ZSWIM6: variants seen among roughly 807,000 people sequenced by gnomAD.
ZSWIM6 encodes zinc finger SWIM-type containing 6.
In ZSWIM6, 9 loss-of-function variants were observed where a neutral mutation model predicts 113.2. The observed-to-expected ratio is 0.08, with a 90% CI of 0.05 to 0.14. The LOEUF is 0.14. Among genes scored for constraint, ZSWIM6 ranks in the 10% least tolerant of loss-of-function variants. ZSWIM6 has a pLI of 1.00. For missense variants in ZSWIM6, 1,162 were observed against 1,552.2 expected (o/e 0.75, Z 4.22); for synonymous variants, 611 against 606.5 (o/e 1.01, Z -0.11).
intron 11 of ZSWIM6, 31 bp downstream of exon 11, chr5:61,539,002 T>C: frequency 6.8e-7 from 1 of 1,463,550 alleles, no homozygotes; most frequent in Non-Finnish European, 9.1e-7. Flanking sequence ...CTCATAATTG[T>C]TTCATTCGTT....
At position 61,545,546 on chromosome 5, in the gene ZSWIM6, C is replaced by G. The variant is rs538870442; in HGVS notation, c.*1229C>G. 6.6e-6 allele frequency: 1 copy of G among 152,170 alleles called. No individual in the cohort carries two copies. Among genetic ancestry groups the G allele is most frequent in the Admixed American group, 6.5e-5 (1 of 15,270 alleles). The allele number at this position is 152,170 out of a possible 1,614,324, so 9.4% of individuals were successfully genotyped here. A position where few individuals can be genotyped will look rare whatever the true frequency, so the allele number is the denominator to read the frequency against. On this transcript the variant is annotated 3_prime_UTR_variant, in exon 14 of 14. Transcript: ENST00000252744. ...TTGCAGTGAGCTAATAATAAGCTAA[C>G]CTTTGTGCACAAATAACATTATATA... is the stretch of plus-strand genomic sequence containing the variant.
At chr5:61,400,392 T>C (rs962261811) in intron 1 of ZSWIM6, among the ~76,000 whole-genome samples, 11 of 152,182 alleles carry the variant, frequency 7.2e-5, no homozygotes, top group Non-Finnish European at 8.8e-5. Context: ...ATTGCCACTT[T>C]AAAAATGTGA....
intron 1 of ZSWIM6, among the ~76,000 whole-genome samples, chr5:61,382,913 T>C (rs754195540): frequency 6.6e-6 from 1 of 152,206 alleles, no homozygotes; most frequent in Non-Finnish European, 1.5e-5. Flanking sequence ...CAGATTAAGA[T>C]ACAGAATGTC....
intron 2 of ZSWIM6, among the ~76,000 whole-genome samples, chr5:61,473,785 G>A (rs1747639684): frequency 6.6e-6 from 1 of 152,138 alleles, no homozygotes; most frequent in African/African-American, 2.4e-5. Flanking sequence ...GTTGAAAAAA[G>A]TAATGCAGTT....
chr5:61,445,664 C>G (rs1383398180), intron 1 of ZSWIM6, among the ~76,000 whole-genome samples: 1 of 152,062 alleles, frequency 6.6e-6, no homozygotes, highest in Non-Finnish European at 1.5e-5. Flanking sequence ...TTTATAGAAC[C>G]AAATACAATC....
intron 4 of ZSWIM6, among the ~76,000 whole-genome samples, chr5:61,508,198 G>A (rs1748678063): frequency 6.6e-6 from 1 of 152,168 alleles, no homozygotes; most frequent in Admixed American, 6.5e-5. Flanking sequence ...TTGTCAGGTG[G>A]ATAAGTGTAG....
In ZSWIM6 at chr5:61,472,574, A is replaced by AT. The variant is rs141707195; in HGVS notation, c.677-100dup. 3 of 848,344 alleles carry AT rather than the reference A, an allele frequency of 3.5e-6. No individual in the cohort carries two copies. Among genetic ancestry groups the AT allele is most frequent in the Admixed American group, 3.3e-5 (1 of 29,854 alleles). 52.6% of individuals were successfully genotyped at this position (848,344 alleles called of 1,614,324 possible). ...TTTACTTGAATATAGAGGCTGTCAT[A>AT]TTTTTTTCTTGCTGCTGTCAAGTCC... On this transcript the variant is annotated intron_variant, in intron 1 of 13. Coordinates refer to ENST00000252744, the MANE Select transcript of ZSWIM6 (RefSeq NM_020928.2). This position sits in a 1 kb window ranked among gnomAD's most constrained non-coding sequence, Gnocchi z 4.1.
At chr5:61,541,293 G>A (rs553482832) in intron 12 of ZSWIM6, among the ~76,000 whole-genome samples, 33 of 152,052 alleles carry the variant, frequency 2.2e-4, no homozygotes, top group Non-Finnish European at 4.6e-4. Flanking sequence ...TGAAGAGGGA[G>A]ATATGTTTAT....
At chr5:61,409,244 A>T (rs981919821) in intron 1 of ZSWIM6, among the ~76,000 whole-genome samples, 2 of 151,788 alleles carry the variant, frequency 1.3e-5, no homozygotes, top group African/African-American at 4.8e-5. Context: ...CACAGTAAAA[A>T]CTTTGGTGAT....
At chr5:61,392,995 C>CATAT (rs957511996) in intron 1 of ZSWIM6, among the ~76,000 whole-genome samples, 1 of 151,484 alleles carries the variant, frequency 6.6e-6, no homozygotes, top group Admixed American at 6.6e-5. Context: ...GTTGTGTTCT[C>CATAT]ATATATATAT....
chr5:61,434,088 G>T (rs1746645156), intron 1 of ZSWIM6, among the ~76,000 whole-genome samples: 1 of 144,584 alleles, frequency 6.9e-6, no homozygotes, highest in African/African-American at 2.5e-5. Context: ...TAAAATATAT[G>T]TATTATATAT....
At chr5:61,515,532 C>A (rs1748910498) in intron 4 of ZSWIM6, among the ~76,000 whole-genome samples, 1 of 152,078 alleles carries the variant, frequency 6.6e-6, no homozygotes, top group African/African-American at 2.4e-5. Flanking sequence ...GAAACCTACT[C>A]CTGCGATAAC....
Position 61,349,742 on chromosome 5 carries a change from A to G in ZSWIM6, c.676+16794A>G, listed in dbSNP as rs370806695. Among the ~76,000 whole-genome samples, 295 of 152,336 alleles carry G rather than the reference A, an allele frequency of 1.9e-3. 1 individual carries two copies. The highest frequency in any genetic ancestry group is 6.6e-3 in the African/African-American group (273 of 41,578). ...CAGAAAGTAACTTGAATATTCCCAT[A>G]TAGAACAGTACTTTTGGGTTACCTA... On this transcript the variant is annotated intron_variant, in intron 1 of 13. Coordinates refer to ENST00000252744, the MANE Select transcript of ZSWIM6 (RefSeq NM_020928.2).
In ZSWIM6 at chr5:61,535,551, G is replaced by A; in HGVS notation, c.2313G>A (p.Lys771=). Residue 771 remains lysine, a synonymous_variant, in exon 10 of 14, where the codon AAG becomes AAA. Coordinates refer to ENST00000252744, the MANE Select transcript of ZSWIM6 (RefSeq NM_020928.2). ...GCGTTCCAATGCACACATTTGCCAAGTATCTCTTCACCTCTCTCCTACCTC... is the reference window on the plus strand; with the variant it reads ...GCGTTCCAATGCACACATTTGCCAAATATCTCTTCACCTCTCTCCTACCTC... The part of the protein sequence containing the change: ...RESVPMHTFA[K]YLFTSLLPHD... 6.4e-7 allele frequency: 1 copy of A among 1,551,350 alleles called. No individual in the cohort carries two copies. Among genetic ancestry groups the A allele is most frequent in the Non-Finnish European group, 8.7e-7 (1 of 1,146,780 alleles).
chr5:61,463,732 C>T (rs1031327556), intron 1 of ZSWIM6, among the ~76,000 whole-genome samples: 3 of 152,164 alleles, frequency 2.0e-5, no homozygotes, highest in Admixed American at 1.3e-4. Flanking sequence ...TAAAAATAGT[C>T]TTTCATGAAG....
chr5:61,391,908 T>C, intron 1 of ZSWIM6: 1 of 577,500 alleles, frequency 1.7e-6, no homozygotes, highest in Non-Finnish European at 3.0e-6. Flanking sequence ...CAAAAAATGG[T>C]ATTTTCAAAA....
intron 1 of ZSWIM6, among the ~76,000 whole-genome samples, chr5:61,334,370 G>GT (rs1050644720): frequency 6.6e-6 from 1 of 152,144 alleles, no homozygotes; most frequent in African/African-American, 2.4e-5. Context: ...CCCCTCCCAT[G>GT]TTAGTGTACT....
At chr5:61,386,974 T>G (rs891369949) in intron 1 of ZSWIM6, among the ~76,000 whole-genome samples, 1 of 152,196 alleles carries the variant, frequency 6.6e-6, no homozygotes, top group African/African-American at 2.4e-5. Flanking sequence ...CTTTAGTTGT[T>G]AAGACTCTTT....
intron 11 of ZSWIM6, 90 bp downstream of exon 11, chr5:61,539,061 T>C: frequency 1.5e-6 from 2 of 1,354,736 alleles, no homozygotes; most frequent in Non-Finnish European, 9.8e-7. Context: ...TTCTCAGCAG[T>C]GGTGTTAATG....
Sources: allele counts gnomAD v4.1 joint callset (sites outside exome capture counted in the v4.1 genomes callset), GRCh38; gene constraint gnomAD v4.1.1; non-coding constraint Gnocchi (gnomAD v3.1); transcripts MANE v1.5; gene names NCBI Gene and HGNC (gene_info 2026-07-23, HGNC 2026-07-21).